Variants in AGAP3 observed in about 807,000 individuals in gnomAD.
AGAP3 encodes ArfGAP with GTPase domain, ankyrin repeat and PH domain 3.
AGAP3 carries 24 observed loss-of-function variants against 96.9 expected under a neutral mutation model. The ratio of observed to expected loss-of-function variants is 0.25; its 90% CI spans 0.18 to 0.35. The LOEUF is 0.35. Ranked by LOEUF, AGAP3 falls within the 10% of genes least tolerant of loss-of-function variation. The probability of loss-of-function intolerance (pLI) is 1.00; values close to 1 mark genes in which losing one functional copy is unlikely to be tolerated. For synonymous variants in AGAP3, 563 were observed against 536.1 expected (o/e 1.05, Z -0.69); for missense variants, 876 against 1,254.2 (o/e 0.70, Z 4.55).
At position 151,142,357 on chromosome 7, in the gene AGAP3, C is replaced by T; in HGVS notation, c.2051-55C>T. ...GGCAGGGAAGCCTTCCCTAGTTGTC[C>T]CGCGCTCTGGTGGCCTGCCTGCTGT... On this transcript the variant is annotated intron_variant, in intron 15 of 17. Transcript: ENST00000397238. This position sits in a 1 kb window ranked among gnomAD's most constrained non-coding sequence, Gnocchi z 7.5. 3 of 1,598,282 alleles carry T rather than the reference C, an allele frequency of 1.9e-6. No homozygotes were observed. The highest frequency in any genetic ancestry group is 2.6e-6 in the Non-Finnish European group (3 of 1,168,120).
intron 8 of AGAP3, chr7:151,122,980 C>T (rs1585086942): frequency 2.1e-6 from 3 of 1,425,582 alleles, no homozygotes; most frequent in South Asian, 1.5e-5. Flanking sequence ...TGGGGGCTGC[C>T]GGGGACCAGG....
At chr7:151,088,808 G>GT (rs1291908974) in intron 1 of AGAP3, among the ~76,000 whole-genome samples, 5 of 152,020 alleles carry the variant, frequency 3.3e-5, no homozygotes, top group South Asian at 2.1e-4. Flanking sequence ...GCGCCCTTGA[G>GT]TTTTTTTTGC....
intron 10 of AGAP3, among the ~76,000 whole-genome samples, chr7:151,131,766 C>T (rs1285647929): frequency 6.6e-6 from 1 of 152,222 alleles, no homozygotes; most frequent in African/African-American, 2.4e-5. Flanking sequence ...AACAGAGTCC[C>T]CCCTGCAACT....
At chr7:151,123,210 C>A (rs1266676549) in intron 8 of AGAP3, 2 of 1,079,940 alleles carry the variant, frequency 1.9e-6, no homozygotes, top group African/African-American at 1.7e-5. Flanking sequence ...GCCGCCGCCG[C>A]GCTTGCCTTG....
intron 10 of AGAP3, among the ~76,000 whole-genome samples, chr7:151,132,963 G>A (rs1800456065): frequency 6.6e-6 from 1 of 152,208 alleles, no homozygotes; most frequent in Non-Finnish European, 1.5e-5. Flanking sequence ...AGAAGATAGA[G>A]CCAGCCTGGC....
At chr7:151,124,241 G>A (rs1461293167) in intron 9 of AGAP3, among the ~76,000 whole-genome samples, 1 of 152,234 alleles carries the variant, frequency 6.6e-6, no homozygotes, top group Non-Finnish European at 1.5e-5. Context: ...AGAAGCCTGC[G>A]TGGAAGGGGA....
At chr7:151,126,970 C>T (rs959071912) in intron 9 of AGAP3, among the ~76,000 whole-genome samples, 3 of 152,152 alleles carry the variant, frequency 2.0e-5, no homozygotes, top group Non-Finnish European at 2.9e-5. Context: ...CTGGTGTGGC[C>T]GGAGGAGGAG....
intron 1 of AGAP3, among the ~76,000 whole-genome samples, chr7:151,111,129 C>G (rs1004217372): frequency 2.6e-5 from 4 of 152,226 alleles, no homozygotes; most frequent in African/African-American, 9.6e-5. Context: ...GGTGTGGCCC[C>G]CACTGCCTCC....
At chr7:151,121,431 C>A (rs1223394659) in intron 8 of AGAP3, among the ~76,000 whole-genome samples, 2 of 152,122 alleles carry the variant, frequency 1.3e-5, no homozygotes, top group Non-Finnish European at 2.9e-5. Context: ...ACTGCCAGGG[C>A]CTGGGCACCC....
At chr7:151,127,852 G>T (rs1800241715) in intron 9 of AGAP3, among the ~76,000 whole-genome samples, 1 of 152,180 alleles carries the variant, frequency 6.6e-6, no homozygotes, top group Non-Finnish European at 1.5e-5. Context: ...GGTTTTAGGG[G>T]GCTTTTCCCC....
intron 1 of AGAP3, among the ~76,000 whole-genome samples, chr7:151,100,719 G>A (rs140877522): frequency 0.023 from 3,499 of 152,248 alleles, 65 homozygotes; most frequent in Non-Finnish European, 0.034. Flanking sequence ...GTGCACGCCT[G>A]TAGTCCCAGC....
rs952571909 is a variant in AGAP3 at position 151,118,718 on chromosome 7, G to C, written c.969+86G>C. ...GTCCTGCCACTTCTGCTGGCCTCCT[G>C]CTCACACCTGTCCACCTTCCTCTGG... On this transcript the variant is annotated intron_variant, in intron 7 of 17. Coordinates refer to ENST00000397238, the MANE Select transcript of AGAP3 (RefSeq NM_031946.7). The surrounding 1 kb of genome is among the most constrained non-coding windows in gnomAD (Gnocchi z 6.1). The C allele has an allele frequency of 1.3e-6, 2 of 1,521,546 alleles. No homozygotes were observed. Among genetic ancestry groups the C allele is most frequent in the Non-Finnish European group, 9.0e-7 (1 of 1,116,960 alleles). 94.3% of individuals were successfully genotyped at this position (1,521,546 alleles called of 1,614,324 possible). A position where few individuals can be genotyped will look rare whatever the true frequency, so the allele number is the denominator to read the frequency against.
chr7:151,114,536 C>A lies in AGAP3; in HGVS notation c.332-2257C>A. Reference sequence around the variant, plus strand: ...AGCAGGCCGGCTCCCCCGCGCCGCGCCGCCGTTCCCGGGCGTTCCAGGCCA... The same window carrying A: ...AGCAGGCCGGCTCCCCCGCGCCGCGACGCCGTTCCCGGGCGTTCCAGGCCA... On this transcript the variant is annotated intron_variant, in intron 1 of 17. Transcript: ENST00000397238. This position sits in a 1 kb window ranked among gnomAD's most constrained non-coding sequence, Gnocchi z 4.4. 1 of 225,802 alleles carries A rather than the reference C, an allele frequency of 4.4e-6. No individual in the cohort carries two copies. Among genetic ancestry groups the A allele is most frequent in the Non-Finnish European group, 7.4e-6 (1 of 134,644 alleles). 14.0% of individuals were successfully genotyped at this position (225,802 alleles called of 1,614,324 possible).
intron 12 of AGAP3, among the ~76,000 whole-genome samples, chr7:151,138,667 C>T (rs903133191): frequency 1.1e-4 from 16 of 152,230 alleles, no homozygotes; most frequent in African/African-American, 2.9e-4. Context: ...GCTCCCGCAT[C>T]CCCATCAGCC....
chr7:151,105,204 T>G (rs1388272639), intron 1 of AGAP3, among the ~76,000 whole-genome samples: 1 of 152,226 alleles, frequency 6.6e-6, no homozygotes, highest in Non-Finnish European at 1.5e-5. Context: ...CAGAGGATTT[T>G]CCTCTCCTCA....
At chr7:151,125,811 A>G (rs1349212599) in intron 9 of AGAP3, among the ~76,000 whole-genome samples, 1 of 152,132 alleles carries the variant, frequency 6.6e-6, no homozygotes, top group Non-Finnish European at 1.5e-5. Context: ...ATCAATCCGG[A>G]CTCCGCAATT....
intron 1 of AGAP3, chr7:151,115,216 G>A: frequency 1.0e-6 from 1 of 1,000,836 alleles, no homozygotes; most frequent in African/African-American, 1.8e-5. Context: ...GGTCTGGGGC[G>A]CGCGGGCAGC....
At chr7:151,113,665 C>T (rs965581293) in intron 1 of AGAP3, among the ~76,000 whole-genome samples, 4 of 152,190 alleles carry the variant, frequency 2.6e-5, no homozygotes, top group Admixed American at 6.5e-5. Context: ...TCTCCTGATC[C>T]GTGGCTGGTA....
chr7:151,128,266 ACC>A, intron 9 of AGAP3: 1 of 349,096 alleles, frequency 2.9e-6, no homozygotes, highest in Non-Finnish European at 5.5e-6. Flanking sequence ...GATCATCTAC[ACC>A]CGACGGTCTA....
Sources: gnomAD v4.1 joint callset for allele counts (sites outside exome capture counted in the v4.1 genomes callset) on GRCh38, gnomAD v4.1.1 for gene constraint, Gnocchi (gnomAD v3.1) non-coding constraint, MANE v1.5 for transcripts, NCBI Gene and HGNC (gene_info 2026-07-23, HGNC 2026-07-21) for gene names.